The following UST variants were observed in gnomAD, a reference collection of about 807,000 sequenced individuals.
UST encodes chondroitin sulfate 2-O-sulfotransferase.
A neutral mutation model predicts 45.6 loss-of-function variants in UST; 21 were observed. The ratio of observed to expected loss-of-function variants is 0.46; its 90% CI spans 0.33 to 0.66. UST has a LOEUF of 0.66. UST is among the 30% of genes least tolerant of loss of function. UST has a pLI of 0.02. For missense variants in UST, 463 were observed against 512.4 expected, an observed-to-expected ratio of 0.90 and a Z score of 0.93; for synonymous variants, 215 against 200.6, an observed-to-expected ratio of 1.07 and a Z score of -0.61.
intron 1 of UST, among the ~76,000 whole-genome samples, chr6:148,760,524 T>C (rs1776194224): frequency 6.6e-6 from 1 of 152,192 alleles, no homozygotes; most frequent in Admixed American, 6.5e-5. Context: ...TAATTGAAGA[T>C]ACTAAAATGA....
intron 5 of UST, among the ~76,000 whole-genome samples, chr6:149,009,053 C>T (rs1041472347): frequency 4.6e-5 from 7 of 152,126 alleles, no homozygotes; most frequent in African/African-American, 1.7e-4. Flanking sequence ...CTAAGGGAGA[C>T]AAATTTCAGG....
At chr6:149,065,500 T>C (rs1426123896) in intron 7 of UST, among the ~76,000 whole-genome samples, 1 of 152,180 alleles carries the variant, frequency 6.6e-6, no homozygotes, top group Admixed American at 6.5e-5. Context: ...CATATGAAGG[T>C]GATAGTTTTC....
intron 1 of UST, among the ~76,000 whole-genome samples, chr6:148,863,256 A>G (rs1778355251): frequency 6.6e-6 from 1 of 152,080 alleles, no homozygotes; most frequent in Non-Finnish European, 1.5e-5. Context: ...TTGATCTTCA[A>G]TCACTTATAC....
intron 2 of UST, among the ~76,000 whole-genome samples, chr6:148,911,562 A>G (rs759694169): frequency 2.0e-5 from 3 of 152,132 alleles, no homozygotes; most frequent in Non-Finnish European, 4.4e-5. Context: ...CTTCCCCTTC[A>G]AGTTTTACTC....
chr6:148,859,828 G>A (rs1372940470), intron 1 of UST, among the ~76,000 whole-genome samples: 1 of 152,080 alleles, frequency 6.6e-6, no homozygotes, highest in Admixed American at 6.6e-5. Flanking sequence ...ATTTCTGAGG[G>A]CTCTGTTCTG....
At chr6:148,824,689 T>TC (rs1202250230) in intron 1 of UST, among the ~76,000 whole-genome samples, 31 of 150,530 alleles carry the variant, frequency 2.1e-4, no homozygotes, top group African/African-American at 7.3e-4. Context: ...TTTTTTTTTT[T>TC]TTATTATACT....
intron 1 of UST, among the ~76,000 whole-genome samples, chr6:148,886,539 A>T (rs761052845): frequency 9.2e-5 from 14 of 152,180 alleles, no homozygotes; most frequent in Non-Finnish European, 2.1e-4. Flanking sequence ...AAATTGGAGA[A>T]AGAGAGTATG....
At chr6:149,005,598 C>T (rs888354968) in intron 5 of UST, 1 of 985,260 alleles carries the variant, frequency 1.0e-6, no homozygotes, top group African/African-American at 1.7e-5. Flanking sequence ...AAGGTTAGTC[C>T]CTTCCTTCTT....
Position 148,916,111 on chromosome 6 carries a change from G to A in UST, c.292-25168G>A, listed in dbSNP as rs1779584152. Among the ~76,000 whole-genome samples the A allele has an allele frequency of 1.3e-5, 2 of 152,192 alleles. 1 individual carries two copies. Among genetic ancestry groups the A allele is most frequent in the Admixed American group, 1.3e-4 (2 of 15,282 alleles). On this transcript the variant is annotated intron_variant, in intron 2 of 7. Transcript: ENST00000367463. ...TGTTGTTTGTTTTGGCAGGAAATTT[G>A]AATAGGGACAGAATAATAGCTAAAA... is the stretch of plus-strand genomic sequence containing the variant.
intron 1 of UST, among the ~76,000 whole-genome samples, chr6:148,832,288 A>G (rs60604957): frequency 0.01 from 1,543 of 152,302 alleles, 24 homozygotes; most frequent in African/African-American, 0.034. Flanking sequence ...AACACCGTAA[A>G]TGTGTTCTTC....
At chr6:148,786,964 A>C (rs1266275501) in intron 1 of UST, among the ~76,000 whole-genome samples, 1 of 152,200 alleles carries the variant, frequency 6.6e-6, no homozygotes, top group African/African-American at 2.4e-5. Flanking sequence ...TCTAATAATC[A>C]ATGATGTTGA....
chr6:148,831,206 C>A (rs140330719), intron 1 of UST, among the ~76,000 whole-genome samples: 1 of 152,144 alleles, frequency 6.6e-6, no homozygotes, highest in Non-Finnish European at 1.5e-5. Context: ...CCGACTGTTT[C>A]GCAGCCACAT....
intron 1 of UST, among the ~76,000 whole-genome samples, chr6:148,810,214 T>C (rs1473312562): frequency 6.6e-6 from 1 of 152,090 alleles, no homozygotes; most frequent in East Asian, 1.9e-4. Context: ...AGGAAGAGAG[T>C]GGACCAGTAG....
chr6:148,782,084 T>C (rs1776653962), intron 1 of UST, among the ~76,000 whole-genome samples: 1 of 152,238 alleles, frequency 6.6e-6, no homozygotes. Context: ...ATTTAAGAAA[T>C]ACATTTCTTT....
intron 1 of UST, among the ~76,000 whole-genome samples, chr6:148,768,881 C>T (rs1321268174): frequency 6.6e-6 from 1 of 152,206 alleles, no homozygotes; most frequent in Non-Finnish European, 1.5e-5. Flanking sequence ...CCTTCTGCTG[C>T]CTCTCTCAGC....
At chr6:148,773,199 C>T (rs1440186433) in intron 1 of UST, among the ~76,000 whole-genome samples, 2 of 152,222 alleles carry the variant, frequency 1.3e-5, no homozygotes, top group Non-Finnish European at 2.9e-5. Context: ...GTGGCTCACG[C>T]CTGTAATCCC....
intron 1 of UST, among the ~76,000 whole-genome samples, chr6:148,873,150 A>C (rs1778589540): frequency 6.6e-6 from 1 of 152,198 alleles, no homozygotes; most frequent in Admixed American, 6.5e-5. Context: ...ATGTGAATGG[A>C]TTTCTAATCC....
chr6:148,843,933 T>C (rs985364881), intron 1 of UST, among the ~76,000 whole-genome samples: 1 of 152,234 alleles, frequency 6.6e-6, no homozygotes, highest in Admixed American at 6.5e-5. Flanking sequence ...TCAGATACGT[T>C]GAGCCCCGTG....
intron 1 of UST, among the ~76,000 whole-genome samples, chr6:148,774,887 A>T (rs1277708728): frequency 1.3e-5 from 2 of 152,144 alleles, no homozygotes; most frequent in African/African-American, 4.8e-5. Flanking sequence ...GCATGGTGGC[A>T]GGCGCCTGTA....
Sources: allele counts gnomAD v4.1 joint callset (sites outside exome capture counted in the v4.1 genomes callset), GRCh38; gene constraint gnomAD v4.1.1; transcripts MANE v1.5; gene names NCBI Gene and HGNC (gene_info 2026-07-23, HGNC 2026-07-21).